LINGO1: variants seen among roughly 807,000 people sequenced by gnomAD.
LINGO1 encodes the protein leucine rich repeat and Ig domain containing 1.
LINGO1 carries 11 observed loss-of-function variants against 37.3 expected under a neutral mutation model. That is an observed-to-expected ratio of 0.29 (90% CI 0.19 to 0.49). LINGO1 has a LOEUF of 0.49. LINGO1 is among the 20% of genes least tolerant of loss of function. The pLI, the probability that LINGO1 is intolerant of heterozygous loss-of-function variation, is 0.99. For synonymous variants in LINGO1, 387 were observed against 403.0 expected (o/e 0.96, Z 0.48); for missense variants, 585 against 878.2 (o/e 0.67, Z 4.22).
rs202062788 is a variant in LINGO1 at position 77,615,454 on chromosome 15, G to A, written c.453C>T (p.Ser151=). The A allele has an allele frequency of 3.1e-5, 50 of 1,614,036 alleles. No homozygotes were observed. In the African/African-American group the frequency reaches 3.3e-4, roughly 11 times the overall value. The change falls in exon 2 of 2, where the codon AGC becomes AGT. Residue 151 remains serine (S), a synonymous_variant. Coordinates refer to ENST00000355300, the MANE Select transcript of LINGO1 (RefSeq NM_032808.7). ...GLSNLTKLDI[S]ENKIVILLDY... ...CCAGTAGGATAACGATCTTGTTCTC[G>A]CTGATGTCCAGCTTGGTCAGGTTGC...
chr15:77,662,402 G>C (rs994998244), intron 3 of LINGO1, among the ~76,000 whole-genome samples: 1 of 152,140 alleles, frequency 6.6e-6, no homozygotes, highest in African/African-American at 2.4e-5. Context: ...GAGGGGGCAG[G>C]AAACCCTTTT....
chr15:77,718,388 C>T lies in LINGO1; in HGVS notation c.-195+16604G>A, dbSNP rs2076010146. Among the ~76,000 whole-genome samples, 4 of 150,968 alleles carry T rather than the reference C, an allele frequency of 2.6e-5. 1 individual carries two copies. The South Asian group carries it at 6.3e-4, about 24-fold the overall frequency. On this transcript the variant is annotated intron_variant, in intron 2 of 3. Transcript: ENST00000561686. ...CACGCATGGCTGTGCATGTGATATG[C>T]ACACAGCGCCCACATGTATACACAC...
chr15:77,741,926 T>C (rs3935685), intron 1 of LINGO1, among the ~76,000 whole-genome samples: 56,928 of 152,028 alleles, frequency 0.37, 11,492 homozygotes, highest in Admixed American at 0.52. Flanking sequence ...GAGGAATCCT[T>C]GGTTCAGATG....
chr15:77,662,347 C>T (rs955994154), intron 3 of LINGO1, among the ~76,000 whole-genome samples: 5 of 152,088 alleles, frequency 3.3e-5, no homozygotes, highest in South Asian at 2.1e-4. Context: ...GAGAGAAGGG[C>T]GGTCAGAGGG....
intron 3 of LINGO1, among the ~76,000 whole-genome samples, chr15:77,644,701 C>T (rs1349897913): frequency 6.6e-6 from 1 of 152,228 alleles, no homozygotes; most frequent in Non-Finnish European, 1.5e-5. Flanking sequence ...CACTGGCTGG[C>T]TCCCTCAATC....
chr15:77,794,590 A>ATAT lies in LINGO1; in HGVS notation c.-343+1348_-343+1349insATA, dbSNP rs1381588807. On this transcript the variant is annotated intron_variant, in intron 2 of 5. Transcript: ENST00000562933. ...CACACACATATATATATATATATAT[A>ATAT]TTTTTTTTTTTTTTTGAGACGGAGT... Among the ~76,000 whole-genome samples, 140 of 93,498 alleles carry ATAT rather than the reference A, an allele frequency of 1.5e-3. 4 individuals carry two copies. The highest frequency in any genetic ancestry group is 2.7e-3 in the East Asian group (9 of 3,292). 61.3% of individuals were successfully genotyped at this position (93,498 alleles called of 152,430 possible).
chr15:77,614,029 C>T lies in LINGO1; in HGVS notation c.*15G>A, dbSNP rs1322468413. On this transcript the variant is annotated 3_prime_UTR_variant, in exon 2 of 2. Transcript: ENST00000355300. Reference sequence around the variant, plus strand: ...CTGCCCGGCCGCCCGGGGGTCCCTGCCCCCCGCCCCGGCCTCATATCATCT... The same window carrying T: ...CTGCCCGGCCGCCCGGGGGTCCCTGTCCCCCGCCCCGGCCTCATATCATCT... The T allele has an allele frequency of 3.9e-6, 6 of 1,548,504 alleles. No individual in the cohort carries two copies. The highest frequency in any genetic ancestry group is 3.5e-4 in the Middle Eastern group (2 of 5,648).
intron 1 of LINGO1, among the ~76,000 whole-genome samples, chr15:77,764,365 G>T (rs912816294): frequency 6.6e-6 from 1 of 152,106 alleles, no homozygotes; most frequent in Non-Finnish European, 1.5e-5. Flanking sequence ...TAAATCATCC[G>T]TTCAACAAAA....
At chr15:77,747,831 C>T (rs2076329918) in intron 1 of LINGO1, among the ~76,000 whole-genome samples, 1 of 152,184 alleles carries the variant, frequency 6.6e-6, no homozygotes, top group South Asian at 2.1e-4. Flanking sequence ...GAAACTATCC[C>T]AGAGAGAATC....
chr15:77,737,447 G>C (rs1289577271), intron 1 of LINGO1, among the ~76,000 whole-genome samples: 1 of 152,070 alleles, frequency 6.6e-6, no homozygotes. Flanking sequence ...GAAGGAGAGG[G>C]AGGAAGGGGA....
chr15:77,635,643 C>A (rs1224986782), upstream of LINGO1, among the ~76,000 whole-genome samples: 1 of 152,224 alleles, frequency 6.6e-6, no homozygotes, highest in African/African-American at 2.4e-5. Flanking sequence ...TGCTGGACCA[C>A]CCTGGTGGCG....
chr15:77,617,902 C>T (rs1197139458), intron 1 of LINGO1, among the ~76,000 whole-genome samples: 1 of 152,132 alleles, frequency 6.6e-6, no homozygotes, highest in Non-Finnish European at 1.5e-5. Context: ...TCTGTTATCC[C>T]CAAGGGCTTT....
upstream of LINGO1, among the ~76,000 whole-genome samples, chr15:77,633,882 C>T (rs1042752027): frequency 6.6e-6 from 1 of 152,196 alleles, no homozygotes; most frequent in African/African-American, 2.4e-5. Context: ...CCCTCAGGAC[C>T]TCACCTTTTT....
intron 1 of LINGO1, among the ~76,000 whole-genome samples, chr15:77,776,211 C>G (rs1359853224): frequency 1.3e-5 from 2 of 150,660 alleles, no homozygotes; most frequent in East Asian, 2.0e-4. Flanking sequence ...CCTGCAGATT[C>G]TAACAGGGCC....
intron 2 of LINGO1, among the ~76,000 whole-genome samples, chr15:77,792,140 A>T (rs1390729899): frequency 6.6e-6 from 1 of 152,098 alleles, no homozygotes; most frequent in Non-Finnish European, 1.5e-5. Context: ...TCCAAGCAGG[A>T]TCTTGCTTCT....
At chr15:77,641,576 G>A (rs2074506940) in intron 3 of LINGO1, among the ~76,000 whole-genome samples, 1 of 152,168 alleles carries the variant, frequency 6.6e-6, no homozygotes, top group Non-Finnish European at 1.5e-5. Context: ...ACGAAGGGGC[G>A]GCCGGCCTCT....
At chr15:77,808,340 C>G (rs2076976991) in intron 1 of LINGO1, among the ~76,000 whole-genome samples, 1 of 152,156 alleles carries the variant, frequency 6.6e-6, no homozygotes, top group South Asian at 2.1e-4. Flanking sequence ...TGCCCAGATA[C>G]AGGAGCATAA....
intron 2 of LINGO1, among the ~76,000 whole-genome samples, chr15:77,703,322 C>T (rs1364811104): frequency 1.3e-5 from 2 of 152,172 alleles, no homozygotes; most frequent in African/African-American, 4.8e-5. Flanking sequence ...TGGTATAGTG[C>T]CTAGAGTCCC....
chr15:77,687,651 A>T (rs945867546), intron 2 of LINGO1, among the ~76,000 whole-genome samples: 2 of 152,130 alleles, frequency 1.3e-5, no homozygotes, highest in African/African-American at 4.8e-5. Context: ...GCGTGGATGC[A>T]CTCCCAAGCC....
Sources: allele counts gnomAD v4.1 joint callset (sites outside exome capture counted in the v4.1 genomes callset), GRCh38; gene constraint gnomAD v4.1.1; transcripts MANE v1.5; gene names NCBI Gene and HGNC (gene_info 2026-07-23, HGNC 2026-07-21).